The following ADAM18 variants were observed in gnomAD, a reference collection of about 807,000 sequenced individuals.
ADAM18 encodes ADAM metallopeptidase domain 18.
Under a neutral mutation model 94.4 loss-of-function variants are expected in ADAM18, and 117 were observed. The observed-to-expected ratio is 1.24, with a 90% confidence interval of 1.07 to 1.45. The LOEUF is 1.45. ADAM18 is among the 40% of genes most tolerant of loss of function. The probability of loss-of-function intolerance (pLI) is 0.00; values close to 1 mark genes in which losing one functional copy is unlikely to be tolerated. For missense variants in ADAM18, 936 were observed against 880.0 expected, an observed-to-expected ratio of 1.06 and a Z score of -0.81; for synonymous variants, 327 against 291.6, an observed-to-expected ratio of 1.12 and a Z score of -1.24.
At chr8:39,724,217 T>C (rs1198397121) in intron 19 of ADAM18, among the ~76,000 whole-genome samples, 1 of 151,770 alleles carries the variant, frequency 6.6e-6, no homozygotes. Context: ...CACATTGGTG[T>C]TGGTTTTACT....
Position 39,584,691 on chromosome 8 carries a change from A to G in ADAM18, c.55+14A>G. ...AAGCCCACGAAGGTAAGTCCATGGGAGCCTCCCCTTTCTTCTTCGACTTTA... is the reference window on the plus strand; with the variant it reads ...AAGCCCACGAAGGTAAGTCCATGGGGGCCTCCCCTTTCTTCTTCGACTTTA... On this transcript the variant is annotated intron_variant, in intron 1 of 19. Coordinates refer to ENST00000265707, the MANE Select transcript of ADAM18 (RefSeq NM_014237.3). The G allele has an allele frequency of 6.2e-7, 1 of 1,612,198 alleles. No individual in the cohort carries two copies. Among genetic ancestry groups the G allele is most frequent in the African/African-American group, 1.3e-5 (1 of 75,000 alleles).
At chr8:39,702,986 G>A (rs572182110) in intron 17 of ADAM18, among the ~76,000 whole-genome samples, 3 of 152,106 alleles carry the variant, frequency 2.0e-5, no homozygotes, top group Non-Finnish European at 2.9e-5. Context: ...GCTTCCCAGT[G>A]AATTTTAAAA....
intron 6 of ADAM18, among the ~76,000 whole-genome samples, chr8:39,628,460 A>G (rs112014960): frequency 5.0e-5 from 7 of 139,490 alleles, no homozygotes; most frequent in African/African-American, 1.4e-4. Context: ...TAGATAGATA[A>G]ACAACAATAG....
Position 39,594,923 on chromosome 8 carries a change from C to A in ADAM18, c.132+9571C>A, listed in dbSNP as rs536416396. Among the ~76,000 whole-genome samples, 7 of 149,700 alleles carry A rather than the reference C, an allele frequency of 4.7e-5. No individual in the cohort carries two copies. The East Asian group carries it at 1.2e-3, about 26-fold the overall frequency. ...TTCACCCGCTATTTCTTGTGAGTAC[C>A]TTTTCAACTGTAGCCTCCGTCTCTA... On this transcript the variant is annotated intron_variant, in intron 2 of 19. Coordinates refer to ENST00000265707, the MANE Select transcript of ADAM18 (RefSeq NM_014237.3).
rs745531551 is a variant in ADAM18, at chr8:39,680,149, G to A, written c.1744G>A (p.Ala582Thr). ...TCAAGACCATGTATGTGTATCTATA[G>A]CCACTGGTTCCTCCATGAGATCAGA... ...YIQDHVCVSI[A>T]TGSSMRSDGT... Residue 582 changes from alanine (A) to threonine (T), a missense_variant, in exon 16 of 20, where the codon GCC becomes ACC. Physicochemically the swap from Ala to Thr is moderately conservative, Grantham distance 58. Transcript: ENST00000265707. The A allele has an allele frequency of 1.9e-6, 3 of 1,613,760 alleles. No individual in the cohort carries two copies. In the South Asian group the frequency reaches 3.3e-5, roughly 18 times the overall value.
chr8:39,627,018 T>G (rs1419134110), intron 6 of ADAM18, among the ~76,000 whole-genome samples: 1 of 152,140 alleles, frequency 6.6e-6, no homozygotes, highest in African/African-American at 2.4e-5. Context: ...TATTATTGTG[T>G]TGCTGTCTAT....
At chr8:39,671,734 A>G (rs1409128279) in intron 14 of ADAM18, among the ~76,000 whole-genome samples, 1 of 152,162 alleles carries the variant, frequency 6.6e-6, no homozygotes, top group Non-Finnish European at 1.5e-5. Flanking sequence ...TATTCTCATC[A>G]GTATCTTCTC....
intron 6 of ADAM18, among the ~76,000 whole-genome samples, chr8:39,625,158 T>G (rs1459628872): frequency 6.6e-6 from 1 of 152,254 alleles, no homozygotes; most frequent in Non-Finnish European, 1.5e-5. Context: ...ACAATGTTGA[T>G]TCTTCCATCC....
intron 18 of ADAM18, among the ~76,000 whole-genome samples, chr8:39,721,495 A>G (rs538924881): frequency 6.6e-6 from 1 of 151,868 alleles, no homozygotes; most frequent in Non-Finnish European, 1.5e-5. Flanking sequence ...AATGAGGGAA[A>G]ATATTTGCAA....
At chr8:39,707,858 G>A (rs929833159) in intron 18 of ADAM18, among the ~76,000 whole-genome samples, 1 of 151,940 alleles carries the variant, frequency 6.6e-6, no homozygotes, top group Non-Finnish European at 1.5e-5. Flanking sequence ...TTTCCTTAAG[G>A]AAAGAATTTT....
intron 6 of ADAM18, among the ~76,000 whole-genome samples, chr8:39,623,674 G>T (rs1819682675): frequency 6.6e-6 from 1 of 152,208 alleles, no homozygotes; most frequent in East Asian, 1.9e-4. Context: ...TCGGCTCACT[G>T]CAAGCTTCGC....
chr8:39,650,409 C>T (rs778817950), intron 12 of ADAM18, among the ~76,000 whole-genome samples: 7 of 152,064 alleles, frequency 4.6e-5, no homozygotes, highest in African/African-American at 1.4e-4. Context: ...TAGTGTCCAA[C>T]AAAAATTTAC....
intron 13 of ADAM18, among the ~76,000 whole-genome samples, chr8:39,666,339 T>C (rs941303017): frequency 8.6e-5 from 13 of 152,014 alleles, no homozygotes; most frequent in African/African-American, 3.1e-4. Flanking sequence ...CACGCCTGGC[T>C]ACTCAGTTAT....
intron 3 of ADAM18, among the ~76,000 whole-genome samples, chr8:39,607,557 T>G (rs145433961): frequency 3.3e-5 from 5 of 152,270 alleles, no homozygotes; most frequent in African/African-American, 1.2e-4. Context: ...ATGCTCTGTT[T>G]GTGTTTTAGT....
At chr8:39,676,256 T>C (rs1413515451) in intron 14 of ADAM18, among the ~76,000 whole-genome samples, 2 of 152,184 alleles carry the variant, frequency 1.3e-5, no homozygotes, top group African/African-American at 4.8e-5. Context: ...CCCACAGAGG[T>C]GGAGTCTAGA....
At position 39,723,893 on chromosome 8, in the gene ADAM18, T is replaced by C; in HGVS notation, c.2163T>C (p.Asn721=). ...NEISKSCNRE[N]AEYNRNSSVV... ...TAAGTAAATCATGTAACAGAGAGAA[T>C]GCAGAGTATAATCGGTAAATATGAT... Residue 721 remains asparagine, a synonymous_variant, in exon 19 of 20, where the codon AAT becomes AAC. Coordinates refer to ENST00000265707, the MANE Select transcript of ADAM18 (RefSeq NM_014237.3). 1 of 1,539,562 alleles carries C rather than the reference T, an allele frequency of 6.5e-7. No homozygotes were observed. The highest frequency in any genetic ancestry group is 1.3e-5 in the South Asian group (1 of 79,484).
chr8:39,687,403 A>T (rs1337032833), intron 16 of ADAM18, among the ~76,000 whole-genome samples: 1 of 152,212 alleles, frequency 6.6e-6, no homozygotes, highest in Non-Finnish European at 1.5e-5. Flanking sequence ...TCATCAATTG[A>T]TTATTAATTT....
chr8:39,671,130 C>G (rs1451415429), intron 14 of ADAM18, among the ~76,000 whole-genome samples: 1 of 152,216 alleles, frequency 6.6e-6, no homozygotes, highest in African/African-American at 2.4e-5. Context: ...GTCCCAACTA[C>G]TAACAGTTGG....
At chr8:39,667,868 A>C (rs564414566) in intron 13 of ADAM18, 130 bp from the exon 14 acceptor site, 1 of 901,936 alleles carries the variant, frequency 1.1e-6, no homozygotes, top group South Asian at 1.7e-5. Context: ...TGGCAAACTC[A>C]CGGACTTGGG....
Sources: allele counts gnomAD v4.1 joint callset (sites outside exome capture counted in the v4.1 genomes callset), GRCh38; gene constraint gnomAD v4.1.1; transcripts MANE v1.5; gene names NCBI Gene and HGNC (gene_info 2026-07-23, HGNC 2026-07-21).